TRPC4: variants seen among roughly 807,000 people sequenced by gnomAD.
TRPC4 encodes the protein short transient receptor potential channel 4.
Under a neutral mutation model 99.4 loss-of-function variants are expected in TRPC4, and 49 were observed. That is an observed-to-expected ratio of 0.49 (90% CI 0.39 to 0.63). The LOEUF is 0.63. Ranked by LOEUF, TRPC4 falls within the 20% of genes least tolerant of loss-of-function variation. TRPC4 has a pLI of 0.00. For synonymous variants in TRPC4, 454 were observed against 425.9 expected (o/e 1.07, Z -0.81); for missense variants, 898 against 1,152.9 (o/e 0.78, Z 3.20).
intron 1 of TRPC4, among the ~76,000 whole-genome samples, chr13:37,797,044 G>T (rs1412427546): frequency 2.8e-5 from 4 of 144,728 alleles, no homozygotes; most frequent in Non-Finnish European, 6.0e-5. Context: ...GCTGGGCATG[G>T]TGGCTCACGC....
Position 37,766,182 on chromosome 13 carries a change from G to A in TRPC4, c.378+16774C>T, listed in dbSNP as rs185314226. On this transcript the variant is annotated intron_variant, in intron 2 of 10. Coordinates refer to ENST00000379705, the MANE Select transcript of TRPC4 (RefSeq NM_016179.4). The stretch of plus-strand genomic sequence containing the variant: ...TCAAGCTTTCCTGTAATTTTCAAAT[G>A]GCCTGAGACTCCTAGAATTGTTGAC... Among the ~76,000 whole-genome samples, 386 of 151,472 alleles carry A rather than the reference G, an allele frequency of 2.5e-3. 2 individuals are homozygous for A. Among genetic ancestry groups the A allele is most frequent in the African/African-American group, 9.0e-3 (372 of 41,420 alleles).
rs937646757 is a variant in TRPC4, at chr13:37,632,697, T to C, written c.*4206A>G. ...GTTGAGAAGCTTTGATATAATTTAA[T>C]ACATTTTATTATTACCAGTATGCAT... On this transcript the variant is annotated 3_prime_UTR_variant, in exon 11 of 11. Coordinates refer to ENST00000379705, the MANE Select transcript of TRPC4 (RefSeq NM_016179.4). Among the ~76,000 whole-genome samples the C allele has an allele frequency of 2.0e-5, 3 of 152,222 alleles. No homozygotes were observed. The highest frequency in any genetic ancestry group is 7.2e-5 in the African/African-American group (3 of 41,460).
At chr13:37,644,184 A>G (rs1373362570) in intron 8 of TRPC4, among the ~76,000 whole-genome samples, 1 of 152,182 alleles carries the variant, frequency 6.6e-6, no homozygotes, top group African/African-American at 2.4e-5. Flanking sequence ...AGTTATATTT[A>G]GGACATTCAT....
rs200964199 is a variant in TRPC4, at chr13:37,668,458, CA to C, written c.1375-4730del. Among the ~76,000 whole-genome samples the C allele has an allele frequency of 1.3e-4, 20 of 152,174 alleles. 1 individual carries two copies. In the East Asian group the frequency reaches 3.9e-3, roughly 29 times the overall value. On this transcript the variant is annotated intron_variant, in intron 5 of 10. Transcript: ENST00000379705. ...GAAGAATTATAGACATATTAAAAAA[CA>C]AAGTGGTTAGAGAATATGGATCATT...
intron 2 of TRPC4, among the ~76,000 whole-genome samples, chr13:37,778,363 A>C (rs1593720423): frequency 6.6e-6 from 1 of 152,174 alleles, no homozygotes; most frequent in African/African-American, 2.4e-5. Flanking sequence ...AGTGAGATAA[A>C]ACAAGTAAAA....
intron 2 of TRPC4, among the ~76,000 whole-genome samples, chr13:37,776,926 T>C (rs1050795087): frequency 2.8e-4 from 42 of 151,970 alleles, no homozygotes; most frequent in African/African-American, 9.7e-4. Context: ...GAATCTTCTA[T>C]ATTTTTATTC....
chr13:37,785,115 A>T (rs1332626675), intron 1 of TRPC4, among the ~76,000 whole-genome samples: 3 of 152,160 alleles, frequency 2.0e-5, no homozygotes. Context: ...ATTATAGAAT[A>T]TCAAGGAGAA....
In TRPC4 at chr13:37,636,780, C is replaced by T. The variant is rs562534219; in HGVS notation, c.*123G>A. The T allele has an allele frequency of 2.5e-6, 3 of 1,197,034 alleles. No individual in the cohort carries two copies. The South Asian group carries it at 5.8e-5, about 23-fold the overall frequency. The allele number at this position is 1,197,034 out of a possible 1,614,324, so 74.2% of individuals were successfully genotyped here. ...ATTTAAACATGTTACAGGTAATATG[C>T]CACAGCTGATAAACGCTATAAAGTG... On this transcript the variant is annotated 3_prime_UTR_variant, in exon 11 of 11. Transcript: ENST00000379705.
chr13:37,810,732 TA>T (rs1309889057), intron 1 of TRPC4, among the ~76,000 whole-genome samples: 4 of 152,104 alleles, frequency 2.6e-5, no homozygotes, highest in Non-Finnish European at 5.9e-5. Context: ...TCTTTGGTAA[TA>T]TTTCCATATC....
intron 1 of TRPC4, among the ~76,000 whole-genome samples, chr13:37,801,125 A>T (rs1957389129): frequency 6.6e-6 from 1 of 152,144 alleles, no homozygotes; most frequent in South Asian, 2.1e-4. Context: ...TGCCATAAAT[A>T]AAAAAATATG....
At chr13:37,644,872 CA>C (rs11446579) in intron 8 of TRPC4, among the ~76,000 whole-genome samples, 14,981 of 80,664 alleles carry the variant, frequency 0.19, 613 homozygotes, top group Non-Finnish European at 0.24. Context: ...GACTCCATCT[CA>C]AAAAAAAAAA....
intron 3 of TRPC4, among the ~76,000 whole-genome samples, chr13:37,725,250 C>T (rs1353705833): frequency 6.6e-6 from 1 of 151,788 alleles, no homozygotes; most frequent in Admixed American, 6.6e-5. Flanking sequence ...CTGTGAGACA[C>T]CATCAAGTGG....
At chr13:37,801,741 G>A (rs987854435) in intron 1 of TRPC4, among the ~76,000 whole-genome samples, 5 of 151,976 alleles carry the variant, frequency 3.3e-5, no homozygotes, top group East Asian at 1.9e-4. Flanking sequence ...AGAAGACATC[G>A]AGCATAATAT....
intron 2 of TRPC4, among the ~76,000 whole-genome samples, chr13:37,764,491 G>C (rs1296149822): frequency 6.6e-6 from 1 of 150,836 alleles, no homozygotes; most frequent in Non-Finnish European, 1.5e-5. Context: ...ATGATGTTTT[G>C]TTTTTATGTA....
At chr13:37,788,536 T>C (rs1479182778) in intron 1 of TRPC4, among the ~76,000 whole-genome samples, 1 of 152,080 alleles carries the variant, frequency 6.6e-6, no homozygotes, top group African/African-American at 2.4e-5. Context: ...CCTGCTGAAA[T>C]GAAACTGGTC....
At chr13:37,761,386 A>G (rs1475285244) in intron 2 of TRPC4, among the ~76,000 whole-genome samples, 1 of 151,882 alleles carries the variant, frequency 6.6e-6, no homozygotes, top group African/African-American at 2.4e-5. Context: ...ATTCTTCACC[A>G]ATAGATGTTA....
intron 3 of TRPC4, among the ~76,000 whole-genome samples, chr13:37,720,461 T>C (rs554137629): frequency 6.6e-6 from 1 of 152,088 alleles, no homozygotes; most frequent in South Asian, 2.1e-4. Context: ...TTAGTAGTAG[T>C]AGTATTATTT....
At chr13:37,752,677 A>G (rs769160965) in intron 2 of TRPC4, among the ~76,000 whole-genome samples, 3 of 151,440 alleles carry the variant, frequency 2.0e-5, no homozygotes, top group Non-Finnish European at 4.4e-5. Flanking sequence ...TCATTTGTAC[A>G]CAAATGGTCT....
At chr13:37,645,109 A>C (rs1191615365) in intron 8 of TRPC4, among the ~76,000 whole-genome samples, 1 of 151,872 alleles carries the variant, frequency 6.6e-6, no homozygotes, top group Non-Finnish European at 1.5e-5. Flanking sequence ...TGTGTGTGGA[A>C]TATTCCTTGG....
Sources: allele counts gnomAD v4.1 joint callset (sites outside exome capture counted in the v4.1 genomes callset), GRCh38; gene constraint gnomAD v4.1.1; transcripts MANE v1.5; gene names NCBI Gene and HGNC (gene_info 2026-07-23, HGNC 2026-07-21).